The following E2F7 variants were observed in gnomAD, a reference collection of about 807,000 sequenced individuals.
The protein encoded by E2F7 is E2F transcription factor 7.
In E2F7, 35 loss-of-function variants were observed where a neutral mutation model predicts 81.1. The ratio of observed to expected loss-of-function variants is 0.43; its 90% CI spans 0.33 to 0.57. The LOEUF is 0.57. E2F7 is among the 20% of genes least tolerant of loss of function. The pLI is 0.04. For missense variants in E2F7, 961 were observed against 1,093.7 expected (o/e 0.88, Z 1.71); for synonymous variants, 416 against 416.2 (o/e 1.00, Z 0.01).
intron 7 of E2F7, among the ~76,000 whole-genome samples, chr12:77,039,431 G>A (rs554144763): frequency 2.0e-5 from 3 of 152,294 alleles, no homozygotes; most frequent in African/African-American, 7.2e-5. Flanking sequence ...AAAAAGACTT[G>A]TATGCAGAAT....
chr12:77,034,157 A>C, intron 7 of E2F7, 115 bp from the exon 8 acceptor site: 1 of 825,172 alleles, frequency 1.2e-6, no homozygotes, highest in Non-Finnish European at 1.7e-6. Flanking sequence ...CACCCTATAA[A>C]TCAAAAACTA....
At chr12:77,026,128 A>G (rs1954758224) in intron 11 of E2F7, 146 bp from the exon 12 acceptor site, 18 of 897,986 alleles carry the variant, frequency 2.0e-5, no homozygotes, top group Non-Finnish European at 2.9e-5. Context: ...CAGGCCAAAC[A>G]GCCCACACCC....
chr12:77,035,486 T>A (rs891712241), intron 7 of E2F7, among the ~76,000 whole-genome samples: 2 of 152,164 alleles, frequency 1.3e-5, no homozygotes, highest in Admixed American at 6.5e-5. Context: ...CATTTGTTAG[T>A]GTACTAAAAA....
chr12:77,028,120 C>T lies in E2F7; in HGVS notation c.1903G>A (p.Asp635Asn). ...CCCATAGTCTTGGGAGAGGCAAGGT[C>T]TGTGGAATCTGAGGGTTTCTAAACA... ...VMPKKPSDST[D>N]LASPKTMGNR... The change falls in exon 11 of 13, where the codon GAC becomes AAC. Residue 635 changes from aspartate (D) to asparagine (N), a missense_variant. Transcript: ENST00000322886. The T allele has an allele frequency of 6.2e-7, 1 of 1,613,656 alleles. No homozygotes were observed. The highest frequency in any genetic ancestry group is 8.5e-7 in the Non-Finnish European group (1 of 1,179,878).
Position 77,034,052 on chromosome 12 carries a change from C to G in E2F7, c.1124-10G>C, listed in dbSNP as rs541045068. ...TCCACCAGTTCTTCATCTACATAAA[C>G]GAGAGAATTGGTAGTGTTGTTATAC... On this transcript the variant is annotated splice_polypyrimidine_tract_variant and intron_variant, in intron 7 of 12. Transcript: ENST00000322886. 6.2e-7 allele frequency: 1 copy of G among 1,608,148 alleles called. No homozygotes were observed.
chr12:77,034,142 G>T, intron 7 of E2F7, 100 bp from the exon 8 acceptor site: 1 of 964,094 alleles, frequency 1.0e-6, no homozygotes. Flanking sequence ...TTGTAATGGA[G>T]CTATCACCCT....
rs141876174 is a variant in E2F7, at chr12:77,052,318, T to A, written c.370-1574A>T. Among the ~76,000 whole-genome samples the A allele has an allele frequency of 3.8e-3, 579 of 152,202 alleles. 4 individuals carry two copies. The highest frequency in any genetic ancestry group is 0.013 in the African/African-American group (552 of 41,522). On this transcript the variant is annotated intron_variant, in intron 3 of 12. Transcript: ENST00000322886. ...AAGAAAAATAAGTTGAGGGTCCCAT[T>A]TTACCTGATATCAGTGCTTATTACA... is the stretch of plus-strand genomic sequence containing the variant.
At chr12:77,055,655 A>G (rs1469110866) in intron 3 of E2F7, among the ~76,000 whole-genome samples, 200 bp downstream of exon 3, 1 of 152,226 alleles carries the variant, frequency 6.6e-6, no homozygotes, top group Non-Finnish European at 1.5e-5. Flanking sequence ...GCCCTGGTCC[A>G]GGGAGTATCA....
intron 7 of E2F7, among the ~76,000 whole-genome samples, chr12:77,036,874 T>C (rs987767816): frequency 6.6e-6 from 1 of 152,078 alleles, no homozygotes; most frequent in Non-Finnish European, 1.5e-5. Context: ...CCTGAGTAGC[T>C]GGGACTACAG....
At chr12:77,062,887 T>TA (rs200772361) in intron 2 of E2F7, among the ~76,000 whole-genome samples, 2,490 of 131,850 alleles carry the variant, frequency 0.019, 49 homozygotes, top group African/African-American at 0.057. Flanking sequence ...CTTAGATAAT[T>TA]AAAAAAAAAA....
Position 77,025,634 on chromosome 12 carries a change from C to T in E2F7, c.2489G>A (p.Arg830Lys). 6.2e-7 allele frequency: 1 copy of T among 1,614,168 alleles called. No homozygotes were observed. The highest frequency in any genetic ancestry group is 8.5e-7 in the Non-Finnish European group (1 of 1,180,038). ...AGGTTGTTGGACGACACTGTGTGAC[C>T]TTGACATCACTGGACTTAGGTTTAG... is the stretch of plus-strand genomic sequence containing the variant. ...PSLNLSPVMS[R>K]SHSVVQQPES... The change falls in exon 12 of 13, where the codon AGG becomes AAG. Residue 830 changes from arginine to lysine, a missense_variant. Physicochemically the swap from Arg to Lys is conservative, Grantham distance 26 (BLOSUM62 2). This residue lies in a region of E2F7 where 587 missense variants were observed against 620.3 expected (regional missense o/e 0.95). Transcript: ENST00000322886.
chr12:77,063,543 C>G (rs1955094822), intron 2 of E2F7, among the ~76,000 whole-genome samples: 1 of 147,980 alleles, frequency 6.8e-6, no homozygotes, highest in Admixed American at 7.0e-5. Flanking sequence ...ATCTGGTTCA[C>G]TATTATCCAC....
At chr12:77,059,971 A>AG (rs961464984) in intron 2 of E2F7, among the ~76,000 whole-genome samples, 3 of 150,878 alleles carry the variant, frequency 2.0e-5, no homozygotes, top group Non-Finnish European at 4.4e-5. Flanking sequence ...AAAAAAAAAA[A>AG]AAAAAAAAAA....
intron 3 of E2F7, among the ~76,000 whole-genome samples, chr12:77,052,974 T>C (rs1219804260): frequency 6.6e-6 from 1 of 152,146 alleles, no homozygotes; most frequent in African/African-American, 2.4e-5. Context: ...ATACATACTG[T>C]ATAGACATGA....
At chr12:77,048,658 C>T (rs1014212515) in intron 4 of E2F7, among the ~76,000 whole-genome samples, 18 of 152,120 alleles carry the variant, frequency 1.2e-4, no homozygotes, top group South Asian at 4.1e-4. Flanking sequence ...CAGCAAGGGA[C>T]GCCATTTTAT....
At chr12:77,027,421 A>G (rs929689628) in intron 11 of E2F7, among the ~76,000 whole-genome samples, 1 of 152,192 alleles carries the variant, frequency 6.6e-6, no homozygotes, top group Non-Finnish European at 1.5e-5. Flanking sequence ...TGTTTAACCA[A>G]TGAGGATGAA....
intron 4 of E2F7, among the ~76,000 whole-genome samples, chr12:77,046,609 T>A (rs1954944915): frequency 6.6e-6 from 1 of 152,240 alleles, no homozygotes; most frequent in African/African-American, 2.4e-5. Context: ...GCAACTGCTC[T>A]TTAGACCCAT....
Position 77,030,036 on chromosome 12 carries a change from C to T in E2F7, c.1679G>A (p.Ser560Asn). 2 of 1,614,208 alleles carry T rather than the reference C, an allele frequency of 1.2e-6. No homozygotes were observed. The highest frequency in any genetic ancestry group is 2.7e-5 in the African/African-American group (2 of 75,050). ...PSASLFMLYG[S>N]LQEGPASGSG... ...CCCTGACGCTGGTCCCTCCTGCAGA[C>T]TTCCATACAGCATGAACAGTGAGGC... Residue 560 changes from serine (S) to asparagine (N), a missense_variant, in exon 10 of 13, where the codon AGT becomes AAT. Physicochemically the swap from Ser to Asn is conservative, Grantham distance 46. This residue lies in a region of E2F7 where 587 missense variants were observed against 620.3 expected (regional missense o/e 0.95). Coordinates refer to ENST00000322886, the MANE Select transcript of E2F7 (RefSeq NM_203394.3).
At position 77,050,470 on chromosome 12, in the gene E2F7, C is replaced by T. The variant is rs1157638789; in HGVS notation, c.538+106G>A. ...GAAGCTCTGCCTGTTCCTCTGTCTT[C>T]ACCCGATTGAGGGGCCCACTCTACT... On this transcript the variant is annotated intron_variant, in intron 4 of 12. Coordinates refer to ENST00000322886, the MANE Select transcript of E2F7 (RefSeq NM_203394.3). 6 of 1,183,960 alleles carry T rather than the reference C, an allele frequency of 5.1e-6. No individual in the cohort carries two copies. In the African/African-American group the frequency reaches 6.1e-5, roughly 12 times the overall value. 73.3% of individuals were successfully genotyped at this position (1,183,960 alleles called of 1,614,324 possible).
Sources: gnomAD v4.1 joint callset for allele counts (sites outside exome capture counted in the v4.1 genomes callset) on GRCh38, gnomAD v4.1.1 for gene constraint, gnomAD v4.1.1 regional missense constraint, MANE v1.5 for transcripts, NCBI Gene and HGNC (gene_info 2026-07-23, HGNC 2026-07-21) for gene names.